SYN3: variants seen among roughly 807,000 people sequenced by gnomAD.
SYN3 encodes synapsin III, also known as synapsin-3.
Under a neutral mutation model 65.8 loss-of-function variants are expected in SYN3, and 35 were observed. The observed-to-expected ratio is 0.53, with a 90% CI of 0.41 to 0.70. The LOEUF (loss-of-function observed/expected upper bound fraction) is 0.70. SYN3 is among the 30% of genes least tolerant of loss of function. The probability of loss-of-function intolerance (pLI) is 0.00; values close to 1 mark genes in which losing one functional copy is unlikely to be tolerated. For synonymous variants in SYN3, 270 were observed against 292.9 expected (o/e 0.92, Z 0.80); for missense variants, 680 against 749.0 (o/e 0.91, Z 1.08).
chr22:32,661,264 C>G (rs1174438419), intron 6 of SYN3, among the ~76,000 whole-genome samples: 2 of 152,364 alleles, frequency 1.3e-5, no homozygotes, highest in East Asian at 3.9e-4. Context: ...CCTAGCACCT[C>G]CACCTTCCCC....
chr22:32,825,731 T>C (rs1365277122), intron 6 of SYN3, among the ~76,000 whole-genome samples: 1 of 126,200 alleles, frequency 7.9e-6, no homozygotes, highest in Admixed American at 8.9e-5. Flanking sequence ...ATATATATAA[T>C]ACATATTTAT....
chr22:32,614,789 G>A (rs2059491944), intron 6 of SYN3, among the ~76,000 whole-genome samples: 1 of 152,208 alleles, frequency 6.6e-6, no homozygotes, highest in East Asian at 1.9e-4. Flanking sequence ...ATGAAGCTGT[G>A]AAACCCAAGC....
At chr22:32,607,017 C>A (rs1243695065) in intron 6 of SYN3, among the ~76,000 whole-genome samples, 5 of 151,170 alleles carry the variant, frequency 3.3e-5, no homozygotes, top group Admixed American at 6.6e-5. Context: ...CGCCTCCCCC[C>A]ACCCCACAAC....
chr22:32,708,772 C>T (rs1422714915), intron 6 of SYN3, among the ~76,000 whole-genome samples: 1 of 152,248 alleles, frequency 6.6e-6, no homozygotes, highest in Non-Finnish European at 1.5e-5. Flanking sequence ...CCAGAGAGCA[C>T]ACCTTAAAAA....
At chr22:33,001,281 C>T (rs2053052019) in intron 2 of SYN3, among the ~76,000 whole-genome samples, 1 of 152,178 alleles carries the variant, frequency 6.6e-6, no homozygotes, top group African/African-American at 2.4e-5. Context: ...TACCCTTGCA[C>T]ACAGCCTAAA....
At chr22:32,536,815 G>A (rs938359368) in intron 9 of SYN3, among the ~76,000 whole-genome samples, 13 of 152,198 alleles carry the variant, frequency 8.5e-5, no homozygotes, top group Non-Finnish European at 2.9e-5. Context: ...GTGGGCAGAG[G>A]AGGAGCCTTA....
intron 2 of SYN3, among the ~76,000 whole-genome samples, chr22:33,001,461 T>C (rs1262296804): frequency 2.0e-5 from 3 of 152,190 alleles, no homozygotes; most frequent in Admixed American, 1.3e-4. Flanking sequence ...CCCAACTTTA[T>C]CACCCAGGAC....
At chr22:32,897,823 TA>T (rs1480767779) in intron 4 of SYN3, among the ~76,000 whole-genome samples, 2 of 152,178 alleles carry the variant, frequency 1.3e-5, no homozygotes, top group Non-Finnish European at 1.5e-5. Context: ...TTTTTATATA[TA>T]TTTTTTTATT....
rs1879284802 is a variant in SYN3, at chr22:32,511,698, G to C, written c.*1994C>G. On this transcript the variant is annotated 3_prime_UTR_variant, in exon 14 of 14. Transcript: ENST00000358763. ...GCTATTTTATTTGCTGCTGATCCTA[G>C]CCAGTGTTAATCAGGCCTGAGCCTA... Among the ~76,000 whole-genome samples the C allele has an allele frequency of 6.6e-6, 1 of 152,198 alleles. No individual in the cohort carries two copies. Among genetic ancestry groups the C allele is most frequent in the African/African-American group, 2.4e-5 (1 of 41,450 alleles).
chr22:32,619,077 G>A (rs2059559815), intron 6 of SYN3, among the ~76,000 whole-genome samples: 1 of 152,016 alleles, frequency 6.6e-6, no homozygotes, highest in Non-Finnish European at 1.5e-5. Flanking sequence ...TTGGTTGCAG[G>A]GCCAGCAGCA....
At chr22:32,770,197 G>A (rs987473968) in intron 6 of SYN3, among the ~76,000 whole-genome samples, 3 of 152,046 alleles carry the variant, frequency 2.0e-5, no homozygotes, top group Non-Finnish European at 4.4e-5. Flanking sequence ...AATTGACCTC[G>A]TTTTACCACA....
At position 32,596,693 on chromosome 22, in the gene SYN3, G is replaced by A. The variant is rs2059205247; in HGVS notation, c.755C>T (p.Ala252Val). ...TCATACCTTTCCCATTCCAGCGTGGGCATGTCCCAGCTTGACTACCACCGG... is the reference window on the plus strand; with the variant it reads ...TCATACCTTTCCCATTCCAGCGTGGACATGTCCCAGCTTGACTACCACCGG... ...HFPVVVKLGH[A>V]HAGMGKIKVE... The change falls in exon 7 of 14, where the codon GCC (alanine) becomes GTC (valine). Residue 252 changes from alanine (A) to valine (V), a missense_variant. Ala to Val is a moderately conservative substitution (Grantham distance 64). Transcript: ENST00000358763. 1.2e-6 allele frequency: 2 copies of A among 1,614,022 alleles called. No individual in the cohort carries two copies. Among genetic ancestry groups the A allele is most frequent in the Non-Finnish European group, 1.7e-6 (2 of 1,179,966 alleles).
intron 3 of SYN3, among the ~76,000 whole-genome samples, chr22:32,962,570 G>A (rs957693083): frequency 1.3e-5 from 2 of 152,220 alleles, no homozygotes; most frequent in East Asian, 3.8e-4. Context: ...GAGGCGGCGA[G>A]TTAGCTGTGG....
At chr22:32,884,595 C>T (rs1184234823) in intron 4 of SYN3, among the ~76,000 whole-genome samples, 1 of 152,084 alleles carries the variant, frequency 6.6e-6, no homozygotes, top group African/African-American at 2.4e-5. Flanking sequence ...AAAATCATTT[C>T]GTGGCCGGGT....
At chr22:32,985,143 T>C (rs1198725703) in intron 2 of SYN3, among the ~76,000 whole-genome samples, 1 of 152,144 alleles carries the variant, frequency 6.6e-6, no homozygotes, top group Non-Finnish European at 1.5e-5. Flanking sequence ...AGGCTCATAG[T>C]AGTAGCCACC....
At chr22:32,692,714 T>C (rs951455657) in intron 6 of SYN3, among the ~76,000 whole-genome samples, 2 of 152,184 alleles carry the variant, frequency 1.3e-5, no homozygotes, top group Admixed American at 1.3e-4. Context: ...TCAGGCATAA[T>C]TAGTCATAAT....
chr22:32,722,469 C>T (rs1215474173), intron 6 of SYN3, among the ~76,000 whole-genome samples: 1 of 152,150 alleles, frequency 6.6e-6, no homozygotes, highest in East Asian at 1.9e-4. Context: ...CTGGGTCATG[C>T]CCCTCACTGA....
At chr22:33,041,845 G>T (rs1430614903) in intron 1 of SYN3, among the ~76,000 whole-genome samples, 1 of 151,982 alleles carries the variant, frequency 6.6e-6, no homozygotes, top group Non-Finnish European at 1.5e-5. Context: ...AAGCCTCCCA[G>T]GTACTCCCTC....
intron 2 of SYN3, among the ~76,000 whole-genome samples, chr22:33,004,699 G>A (rs1402546494): frequency 6.6e-5 from 10 of 152,180 alleles, no homozygotes; most frequent in Admixed American, 6.5e-4. Flanking sequence ...TGATTTTACA[G>A]GCTTCTAAGA....
Sources: gnomAD v4.1 joint callset for allele counts (sites outside exome capture counted in the v4.1 genomes callset) on GRCh38, gnomAD v4.1.1 for gene constraint, MANE v1.5 for transcripts, NCBI Gene and HGNC (gene_info 2026-07-23, HGNC 2026-07-21) for gene names.